The following PIAS2 variants were observed in gnomAD, a reference collection of about 807,000 sequenced individuals.
The protein encoded by PIAS2 is E3 SUMO-protein ligase PIAS2.
In PIAS2, 19 loss-of-function variants were observed where a neutral mutation model predicts 69.7. The observed-to-expected ratio is 0.27, with a 90% CI of 0.19 to 0.40. The LOEUF is 0.40. Among genes scored for constraint, PIAS2 ranks in the 10% least tolerant of loss-of-function variants. The pLI, the probability that PIAS2 is intolerant of heterozygous loss-of-function variation, is 1.00. For missense variants in PIAS2, 624 were observed against 757.0 expected (o/e 0.82, Z 2.06); for synonymous variants, 261 against 263.2 (o/e 0.99, Z 0.08).
At chr18:46,843,115 T>G (rs1299354467) in intron 8 of PIAS2, among the ~76,000 whole-genome samples, 1 of 152,210 alleles carries the variant, frequency 6.6e-6, no homozygotes, top group Admixed American at 6.5e-5. Context: ...AATAACTGTG[T>G]AATTTGGGTT....
At chr18:46,908,933 T>C (rs1297500917) in intron 1 of PIAS2, among the ~76,000 whole-genome samples, 4 of 152,090 alleles carry the variant, frequency 2.6e-5, no homozygotes, top group African/African-American at 7.2e-5. Context: ...CTCTTGAACC[T>C]TGGGGGTGGA....
At chr18:46,917,895 T>C (rs1299874559), upstream of PIAS2, 6 of 152,064 alleles carry the variant, frequency 3.9e-5, no homozygotes, top group Admixed American at 1.3e-4. Flanking sequence ...CCCAGAGTAG[T>C]TGTGGCGGAA....
rs150192835 is a variant in PIAS2, at chr18:46,891,019, T to C, written c.60A>G (p.Gln20=). The change falls in exon 2 of 14, where the codon CAA becomes CAG. Residue 20 remains glutamine, a synonymous_variant. Transcript: ENST00000585916. ...TCCGTCCAGCAAAGCCTAGTAATACTTGTAGTTCAGAAACCCTAAAACTAG... is the reference window on the plus strand; with the variant it reads ...TCCGTCCAGCAAAGCCTAGTAATACCTGTAGTTCAGAAACCCTAAAACTAG... ...MVSSFRVSEL[Q]VLLGFAGRNK... 4.4e-6 allele frequency: 7 copies of C among 1,605,940 alleles called. No individual in the cohort carries two copies. The African/African-American group carries it at 9.4e-5, about 22-fold the overall frequency.
At chr18:46,863,535 T>G (rs764352533) in intron 3 of PIAS2, among the ~76,000 whole-genome samples, 1 of 151,908 alleles carries the variant, frequency 6.6e-6, no homozygotes, top group Non-Finnish European at 1.5e-5. Context: ...TGGGCTCAAG[T>G]GATACTGCCA....
At chr18:46,892,075 C>G (rs563218761) in intron 1 of PIAS2, among the ~76,000 whole-genome samples, 1 of 152,142 alleles carries the variant, frequency 6.6e-6, no homozygotes, top group Non-Finnish European at 1.5e-5. Flanking sequence ...CCTCATCACT[C>G]CCCCAACCCA....
In PIAS2 at chr18:46,844,072, C is replaced by A; in HGVS notation, c.1023G>T (p.Arg341=). ...TACTTACAGGGCACATCAAGGATAC[C>A]CGAAGGCTAGTTGTAGCAATTTCAC... ...PDSEIATTSL[R]VSLMCPLGKM... The change falls in exon 8 of 14, where the codon CGG becomes CGT. Residue 341 remains arginine (R), a synonymous_variant. Transcript: ENST00000585916. 6.5e-7 allele frequency: 1 copy of A among 1,534,960 alleles called. No individual in the cohort carries two copies. The highest frequency in any genetic ancestry group is 8.8e-7 in the Non-Finnish European group (1 of 1,142,206).
chr18:46,810,350 C>T lies in PIAS2; in HGVS notation c.*2083G>A, dbSNP rs912849903. 3.3e-5 allele frequency: 5 copies of T among 152,012 alleles called. No homozygotes were observed. In the South Asian group the frequency reaches 1.0e-3, roughly 32 times the overall value. The allele number at this position is 152,012 out of a possible 1,614,324, so 9.4% of individuals were successfully genotyped here. On this transcript the variant is annotated 3_prime_UTR_variant, in exon 14 of 14. Transcript: ENST00000585916. The stretch of plus-strand genomic sequence containing the variant: ...GACAATCTAAAGGGTAACAAAATAA[C>T]AAATATACATCATTTCTTTATAAGT...
At chr18:46,842,200 T>C (rs1297332642) in intron 8 of PIAS2, among the ~76,000 whole-genome samples, 1 of 137,804 alleles carries the variant, frequency 7.3e-6, no homozygotes, top group Non-Finnish European at 1.5e-5. Context: ...CATTCCAGCA[T>C]GGGCAACAGA....
intron 2 of PIAS2, among the ~76,000 whole-genome samples, chr18:46,882,266 TTAA>T (rs1366096631): frequency 1.3e-5 from 2 of 152,096 alleles, no homozygotes; most frequent in Non-Finnish European, 1.5e-5. Flanking sequence ...ATCCAAAAGC[TTAA>T]TGAGTGTGTC....
At chr18:46,891,261 T>C (rs1031107760) in intron 1 of PIAS2, 2 of 672,512 alleles carry the variant, frequency 3.0e-6, no homozygotes, top group African/African-American at 3.6e-5. Context: ...AATTATATTT[T>C]GTTGTACAAG....
At chr18:46,911,373 G>A (rs761154052) in intron 1 of PIAS2, among the ~76,000 whole-genome samples, 17 of 152,018 alleles carry the variant, frequency 1.1e-4, no homozygotes, top group East Asian at 9.7e-4. Context: ...CCACCACCAC[G>A]TCGGGCTAAT....
upstream of PIAS2, among the ~76,000 whole-genome samples, chr18:46,918,575 C>T (rs2058278127): frequency 6.6e-6 from 1 of 152,188 alleles, no homozygotes; most frequent in Non-Finnish European, 1.5e-5. Flanking sequence ...CTACCTCCGC[C>T]TCCCGAGTAG....
intron 2 of PIAS2, among the ~76,000 whole-genome samples, chr18:46,865,343 C>T (rs1236743587): frequency 6.6e-6 from 1 of 152,016 alleles, no homozygotes; most frequent in Non-Finnish European, 1.5e-5. Flanking sequence ...TGTTCAAGAC[C>T]AGCCTGGCCA....
chr18:46,897,415 T>G (rs1285980856), intron 1 of PIAS2, among the ~76,000 whole-genome samples: 1 of 152,162 alleles, frequency 6.6e-6, no homozygotes, highest in Non-Finnish European at 1.5e-5. Flanking sequence ...AATGGGCTCC[T>G]AGTAGCCTAA....
chr18:46,856,011 T>G (rs1209933315), intron 3 of PIAS2, among the ~76,000 whole-genome samples: 1 of 129,602 alleles, frequency 7.7e-6, no homozygotes, highest in Non-Finnish European at 1.6e-5. Flanking sequence ...TTTTTTTTTT[T>G]TTTTTTTTTT....
intron 9 of PIAS2, among the ~76,000 whole-genome samples, chr18:46,835,187 T>C (rs2044259095): frequency 6.6e-6 from 1 of 152,122 alleles, no homozygotes; most frequent in South Asian, 2.1e-4. Context: ...CTCTCTACAT[T>C]CACAAATGCA....
At chr18:46,875,548 T>C (rs974533391) in intron 2 of PIAS2, among the ~76,000 whole-genome samples, 1 of 151,958 alleles carries the variant, frequency 6.6e-6, no homozygotes, top group Non-Finnish European at 1.5e-5. Context: ...TTGAAAACAA[T>C]AAAGAAATCC....
At position 46,844,142 on chromosome 18, in the gene PIAS2, G is replaced by GAAAA; in HGVS notation, c.968-19_968-16dup. On this transcript the variant is annotated splice_polypyrimidine_tract_variant and intron_variant, in intron 7 of 13. Coordinates refer to ENST00000585916, the MANE Select transcript of PIAS2 (RefSeq NM_004671.5). ...TTTTTCTTTAACTTTAAAAAGAAGA[G>GAAAA]AAAAAAAAAAATTTAAAAAAATTAA... 5.1e-6 allele frequency: 5 copies of GAAAA among 984,308 alleles called. No individual in the cohort carries two copies. Among genetic ancestry groups the GAAAA allele is most frequent in the Admixed American group, 2.8e-5 (1 of 35,614 alleles). The allele number at this position is 984,308 out of a possible 1,614,324, so 61.0% of individuals were successfully genotyped here. A position where few individuals can be genotyped will look rare whatever the true frequency, so the allele number is the denominator to read the frequency against.
rs546953730 is a variant in PIAS2, at chr18:46,807,892, T to C, written c.*4541A>G. 1 of 152,284 alleles carries C rather than the reference T, an allele frequency of 6.6e-6. No individual in the cohort carries two copies. The highest frequency in any genetic ancestry group is 1.9e-4 in the East Asian group (1 of 5,180). 9.4% of individuals were successfully genotyped at this position (152,284 alleles called of 1,614,324 possible). Reference sequence around the variant, plus strand: ...CATACCATCTAGCTGCAGTATAAATTAACATACCCATGTGGAAAAGTGGTA... The same window carrying C: ...CATACCATCTAGCTGCAGTATAAATCAACATACCCATGTGGAAAAGTGGTA... On this transcript the variant is annotated 3_prime_UTR_variant, in exon 14 of 14. Coordinates refer to ENST00000585916, the MANE Select transcript of PIAS2 (RefSeq NM_004671.5).
Sources: allele counts gnomAD v4.1 joint callset (sites outside exome capture counted in the v4.1 genomes callset), GRCh38; gene constraint gnomAD v4.1.1; transcripts MANE v1.5; gene names NCBI Gene and HGNC (gene_info 2026-07-23, HGNC 2026-07-21).